The following FBXL20 variants were observed in gnomAD, a reference collection of about 807,000 sequenced individuals.
FBXL20 encodes F-box and leucine rich repeat protein 20.
Under a neutral mutation model 64.0 loss-of-function variants are expected in FBXL20, and 11 were observed. The observed-to-expected ratio is 0.17, with a 90% CI of 0.11 to 0.28. The LOEUF is 0.28. FBXL20 is among the 10% of genes least tolerant of loss of function. The pLI is 1.00. For synonymous variants in FBXL20, 184 were observed against 189.0 expected (o/e 0.97, Z 0.22); for missense variants, 303 against 526.2 (o/e 0.58, Z 4.15).
Position 39,333,918 on chromosome 17 carries a change from C to T in FBXL20, c.104+9262G>A, listed in dbSNP as rs534792163. On this transcript the variant is annotated intron_variant, in intron 2 of 14. Transcript: ENST00000264658. ...GAGCCCCTCCGCCCGGCAGCCACCC[C>T]GTCTGGGAAGTGAGGAGCCCCTCTG... Among the ~76,000 whole-genome samples the T allele has an allele frequency of 5.1e-4, 77 of 151,966 alleles. 1 individual carries two copies. Among genetic ancestry groups the T allele is most frequent in the Non-Finnish European group, 7.8e-4 (53 of 67,956 alleles).
chr17:39,374,236 G>GA lies in FBXL20; in HGVS notation c.42+27124dup, dbSNP rs889979109. On this transcript the variant is annotated intron_variant, in intron 1 of 14. Coordinates refer to ENST00000264658, the MANE Select transcript of FBXL20 (RefSeq NM_032875.3). ...CAAAACTACGTCTCAAAGAAAAAAA[G>GA]AAAAAAAAAAGACCAGTCGGAATGG... is the stretch of plus-strand genomic sequence containing the variant. Among the ~76,000 whole-genome samples the GA allele has an allele frequency of 3.8e-4, 54 of 141,906 alleles. 1 individual carries two copies. The highest frequency in any genetic ancestry group is 3.8e-3 in the Middle Eastern group (1 of 262). 93.1% of individuals were successfully genotyped at this position (141,906 alleles called of 152,430 possible). A position where few individuals can be genotyped will look rare whatever the true frequency, so the allele number is the denominator to read the frequency against.
intron 1 of FBXL20, among the ~76,000 whole-genome samples, chr17:39,382,092 CA>C (rs36115875): frequency 0.27 from 19,617 of 71,440 alleles, 1,025 homozygotes; most frequent in African/African-American, 0.35. Context: ...GACTCCGTCT[CA>C]AAAAAAAAAA....
intron 1 of FBXL20, among the ~76,000 whole-genome samples, chr17:39,377,444 C>T (rs904260618): frequency 6.6e-6 from 1 of 151,826 alleles, no homozygotes; most frequent in Non-Finnish European, 1.5e-5. Context: ...TCCCGTTTCC[C>T]GCACAGCTGG....
chr17:39,357,573 G>A (rs1218634435), intron 1 of FBXL20, among the ~76,000 whole-genome samples: 1 of 152,118 alleles, frequency 6.6e-6, no homozygotes, highest in African/African-American at 2.4e-5. Flanking sequence ...TTGAGACAGT[G>A]TCTTACTATG....
intron 6 of FBXL20, among the ~76,000 whole-genome samples, chr17:39,296,902 GACT>G (rs1342644552): frequency 2.6e-5 from 4 of 152,092 alleles, no homozygotes; most frequent in South Asian, 4.1e-4. Context: ...TATGTACACT[GACT>G]ACAATTATTA....
intron 2 of FBXL20, among the ~76,000 whole-genome samples, chr17:39,333,789 C>T (rs1237191439): frequency 6.6e-5 from 10 of 151,802 alleles, no homozygotes; most frequent in African/African-American, 2.2e-4. Flanking sequence ...TGCCTCTGCC[C>T]GGCCGCGACC....
rs1567853681 is a variant in FBXL20 at position 39,261,295 on chromosome 17, GGTGTGT to G, written c.*159_*164del. 3.2e-6 allele frequency: 2 copies of G among 625,924 alleles called. No homozygotes were observed. Among genetic ancestry groups the G allele is most frequent in the East Asian group, 5.7e-5 (2 of 35,314 alleles). 38.8% of individuals were successfully genotyped at this position (625,924 alleles called of 1,614,324 possible). On this transcript the variant is annotated 3_prime_UTR_variant, in exon 15 of 15. Coordinates refer to ENST00000264658, the MANE Select transcript of FBXL20 (RefSeq NM_032875.3). ...CAAAGCTAGAGTGGATGGGGGTAAG[GGTGTGT>G]ATGTGTATGTATGTGTGGCTCTGGG...
At chr17:39,267,249 C>G (rs1009429670) in intron 12 of FBXL20, among the ~76,000 whole-genome samples, 3 of 151,728 alleles carry the variant, frequency 2.0e-5, no homozygotes, top group Non-Finnish European at 4.4e-5. Context: ...AGACTCTGTC[C>G]TCCCCACCCC....
intron 2 of FBXL20, among the ~76,000 whole-genome samples, chr17:39,322,646 T>G (rs2047368479): frequency 6.6e-6 from 1 of 152,132 alleles, no homozygotes; most frequent in South Asian, 2.1e-4. Context: ...CTGGGGGTTG[T>G]GAGAATTCTC....
rs556878167 is a variant in FBXL20 at position 39,296,734 on chromosome 17, T to C, written c.398+393A>G. Among the ~76,000 whole-genome samples the C allele has an allele frequency of 5.9e-5, 9 of 152,294 alleles. No individual in the cohort carries two copies. In the South Asian group the frequency reaches 1.9e-3, roughly 32 times the overall value. On this transcript the variant is annotated intron_variant, in intron 6 of 14. Coordinates refer to ENST00000264658, the MANE Select transcript of FBXL20 (RefSeq NM_032875.3). ...CATTTAGTGAATCATTTTCATTTAA[T>C]AACTGTTCTCAGGACTGATTATCAT...
intron 10 of FBXL20, among the ~76,000 whole-genome samples, chr17:39,272,401 A>T (rs1242257882): frequency 9.2e-6 from 1 of 108,792 alleles, no homozygotes; most frequent in East Asian, 2.8e-4. Flanking sequence ...AAAAAAAAAA[A>T]ATTTTTTTTT....
At chr17:39,388,475 CT>C (rs557319614) in intron 1 of FBXL20, among the ~76,000 whole-genome samples, 1,610 of 141,516 alleles carry the variant, frequency 0.011, 26 homozygotes, top group African/African-American at 0.038. Flanking sequence ...AAAAAAGTTG[CT>C]TTTTTTTTTT....
chr17:39,337,256 G>A (rs1160763301), intron 2 of FBXL20, among the ~76,000 whole-genome samples: 5 of 152,176 alleles, frequency 3.3e-5, no homozygotes, highest in East Asian at 1.9e-4. Context: ...CCAAGGTGCC[G>A]GGATTGCAGA....
chr17:39,345,496 A>T (rs1286265225), intron 1 of FBXL20, among the ~76,000 whole-genome samples: 1 of 152,164 alleles, frequency 6.6e-6, no homozygotes, highest in African/African-American at 2.4e-5. Flanking sequence ...ATGGTAGGGA[A>T]GTCACAGATA....
chr17:39,389,035 C>T (rs1460016585), intron 1 of FBXL20, among the ~76,000 whole-genome samples: 4 of 132,134 alleles, frequency 3.0e-5, no homozygotes, highest in African/African-American at 1.2e-4. Context: ...ACCCGGGAGG[C>T]GGAGGTTGTA....
chr17:39,350,541 C>T (rs2047678717), intron 1 of FBXL20, among the ~76,000 whole-genome samples: 1 of 148,474 alleles, frequency 6.7e-6, no homozygotes, highest in Non-Finnish European at 1.5e-5. Flanking sequence ...AAAAACATAG[C>T]TAATTTCCTC....
chr17:39,381,234 G>C (rs2048020167), intron 1 of FBXL20, among the ~76,000 whole-genome samples: 2 of 151,800 alleles, frequency 1.3e-5, no homozygotes, highest in Admixed American at 1.3e-4. Flanking sequence ...CCAGCACTTT[G>C]GGAGGCTGAG....
At position 39,277,365 on chromosome 17, in the gene FBXL20, TA is replaced by T. The variant is rs574959083; in HGVS notation, c.697-2266del. On this transcript the variant is annotated intron_variant, in intron 9 of 14. Coordinates refer to ENST00000264658, the MANE Select transcript of FBXL20 (RefSeq NM_032875.3). ...GGCCAAAGATATTTGTGCCACACAATATTAGAAAAGTACCGTAGGGCTGTGC... is the reference window on the plus strand; with the variant it reads ...GGCCAAAGATATTTGTGCCACACAATTTAGAAAAGTACCGTAGGGCTGTGC... Among the ~76,000 whole-genome samples, 50 of 152,290 alleles carry T rather than the reference TA, an allele frequency of 3.3e-4. 1 individual carries two copies. The South Asian group carries it at 9.7e-3, about 30-fold the overall frequency.
At chr17:39,297,279 G>T in intron 5 of FBXL20, 84 bp from the exon 6 acceptor site, 2 of 760,432 alleles carry the variant, frequency 2.6e-6, no homozygotes, top group Non-Finnish European at 4.4e-6. Context: ...TATTATTATT[G>T]GTAATATTGA....
Sources: gnomAD v4.1 joint callset for allele counts (sites outside exome capture counted in the v4.1 genomes callset) on GRCh38, gnomAD v4.1.1 for gene constraint, MANE v1.5 for transcripts, NCBI Gene and HGNC (gene_info 2026-07-23, HGNC 2026-07-21) for gene names.